The following PDE12 variants were observed in gnomAD, a reference collection of about 807,000 sequenced individuals.
PDE12 encodes 2',5'-phosphodiesterase 12.
Under a neutral mutation model 45.4 loss-of-function variants are expected in PDE12, and 26 were observed. The ratio of observed to expected loss-of-function variants is 0.57; its 90% CI spans 0.42 to 0.79. The LOEUF (loss-of-function observed/expected upper bound fraction) is 0.79, where lower values mean the gene tolerates loss of function less well. Among genes scored for constraint, PDE12 ranks in the 30% least tolerant of loss-of-function variants. The pLI, the probability that PDE12 is intolerant of heterozygous loss-of-function variation, is 0.00. For synonymous variants in PDE12, 283 were observed against 323.9 expected, an observed-to-expected ratio of 0.87 and a Z score of 1.36; for missense variants, 668 against 790.0, an observed-to-expected ratio of 0.85 and a Z score of 1.85.
chr3:57,597,229 C>G, the PDE12 span: 5 of 1,287,262 alleles, frequency 3.9e-6, no homozygotes, highest in African/African-American at 1.5e-5. Flanking sequence ...GCAAACTAAA[C>G]GAGAGGGAAG....
At chr3:57,614,544 G>T in the PDE12 span, among the ~76,000 whole-genome samples, 27,417 of 121,230 alleles carry the variant, frequency 0.23, 3,564 homozygotes, top group East Asian at 0.44. Context: ...TTTGTTTTTT[G>T]TTTTTTTTTT....
chr3:57,589,570 T>G, the PDE12 span, among the ~76,000 whole-genome samples: 2 of 149,040 alleles, frequency 1.3e-5, no homozygotes, highest in Admixed American at 1.3e-4. Context: ...ATACAAAAAT[T>G]AGCTAGGCGT....
intron 2 of PDE12, 74 bp from the exon 3 acceptor site, chr3:57,559,488 T>G: frequency 6.4e-7 from 1 of 1,552,812 alleles, no homozygotes; most frequent in Non-Finnish European, 8.8e-7. Flanking sequence ...GAGACTGTAA[T>G]TTGTGTAGTT....
chr3:57,588,524 A>G, the PDE12 span, among the ~76,000 whole-genome samples: 5 of 151,690 alleles, frequency 3.3e-5, no homozygotes, highest in South Asian at 1.0e-3. Context: ...CCTGGACAAC[A>G]TGGCAAAACC....
the PDE12 span, among the ~76,000 whole-genome samples, chr3:57,590,120 TAAA>T: frequency 8.9e-5 from 13 of 145,846 alleles, no homozygotes; most frequent in African/African-American, 2.5e-4. Context: ...AATAAATAAA[TAAA>T]TAAATAAATA....
Position 57,562,076 on chromosome 3 carries a change from T to C in PDE12, c.*2072T>C. On this transcript the variant is annotated 3_prime_UTR_variant, in exon 3 of 3. Coordinates refer to ENST00000311180, the MANE Select transcript of PDE12 (RefSeq NM_177966.7). Reference sequence around the variant, plus strand: ...GAATTTTTTTTTCATTTTAAAAATATGTTTTTGGGCTGTTTTCAAAGAAAG... The same window carrying C: ...GAATTTTTTTTTCATTTTAAAAATACGTTTTTGGGCTGTTTTCAAAGAAAG... 1.0e-6 allele frequency: 1 copy of C among 982,570 alleles called. No individual in the cohort carries two copies. Among genetic ancestry groups the C allele is most frequent in the African/African-American group, 1.7e-5 (1 of 57,282 alleles). The allele number at this position is 982,570 out of a possible 1,614,324, so 60.9% of individuals were successfully genotyped here.
chr3:57,569,350 A>G (rs1208345956), downstream of PDE12, among the ~76,000 whole-genome samples: 1 of 152,008 alleles, frequency 6.6e-6, no homozygotes, highest in Non-Finnish European at 1.5e-5. Flanking sequence ...AGTTGCTAAT[A>G]CTTTATTATT....
At chr3:57,585,523 A>G in the PDE12 span, among the ~76,000 whole-genome samples, 65 of 152,294 alleles carry the variant, frequency 4.3e-4, no homozygotes, top group East Asian at 0.011. Flanking sequence ...GTAAACAACG[A>G]GTTAATGGGT....
At chr3:57,648,264 C>CTT in the PDE12 span, among the ~76,000 whole-genome samples, 4 of 151,980 alleles carry the variant, frequency 2.6e-5, no homozygotes, top group Non-Finnish European at 5.9e-5. Flanking sequence ...AGCTGCAATA[C>CTT]ATAAAATACT....
the PDE12 span, among the ~76,000 whole-genome samples, chr3:57,598,807 C>A: frequency 1.1e-4 from 17 of 151,940 alleles, no homozygotes; most frequent in Non-Finnish European, 4.4e-5. Flanking sequence ...AACAAAAAAA[C>A]CCCAAAAACT....
At chr3:57,568,223 G>A (rs185496260), downstream of PDE12, among the ~76,000 whole-genome samples, 34 of 152,116 alleles carry the variant, frequency 2.2e-4, no homozygotes, top group Non-Finnish European at 3.2e-4. Context: ...CAGCACTTTG[G>A]GAGGCCTAGG....
the PDE12 span, among the ~76,000 whole-genome samples, chr3:57,595,093 A>AT: frequency 2.0e-5 from 3 of 152,128 alleles, no homozygotes; most frequent in Non-Finnish European, 4.4e-5. Context: ...AAACTTAAAT[A>AT]TTTTTTCTCT....
At chr3:57,632,017 C>T in the PDE12 span, among the ~76,000 whole-genome samples, 12 of 126,284 alleles carry the variant, frequency 9.5e-5, no homozygotes, top group Middle Eastern at 7.1e-3. Context: ...CCACCGCGCC[C>T]GGCCTTTTTT....
At chr3:57,568,540 G>A (rs2069806698), downstream of PDE12, among the ~76,000 whole-genome samples, 1 of 151,102 alleles carries the variant, frequency 6.6e-6, no homozygotes, top group Admixed American at 6.6e-5. Context: ...GTAAACTGAA[G>A]TGTCTGAATG....
the PDE12 span, chr3:57,597,044 G>T: frequency 6.2e-7 from 1 of 1,610,534 alleles, no homozygotes; most frequent in Non-Finnish European, 8.5e-7. Context: ...CCTTTCCCAG[G>T]TCCCGCCTGA....
chr3:57,586,496 A>C, the PDE12 span, among the ~76,000 whole-genome samples: 1 of 152,168 alleles, frequency 6.6e-6, no homozygotes, highest in Non-Finnish European at 1.5e-5. Context: ...TACCCTACCA[A>C]GAATAACTTT....
In PDE12 at chr3:57,561,507, G is replaced by A; in HGVS notation, c.*1503G>A. The A allele has an allele frequency of 3.9e-5, 38 of 984,756 alleles. No homozygotes were observed. Among genetic ancestry groups the A allele is most frequent in the Non-Finnish European group, 4.1e-5 (34 of 829,264 alleles). The allele number at this position is 984,756 out of a possible 1,614,324, so 61.0% of individuals were successfully genotyped here. A position where few individuals can be genotyped will look rare whatever the true frequency, so the allele number is the denominator to read the frequency against. Reference sequence around the variant, plus strand: ...ACTACAAATGGTTATACTGATTAGTGTCTAGCCTAGAGTGGTAACCATGCT... The same window carrying A: ...ACTACAAATGGTTATACTGATTAGTATCTAGCCTAGAGTGGTAACCATGCT... On this transcript the variant is annotated 3_prime_UTR_variant, in exon 3 of 3. Transcript: ENST00000311180.
At chr3:57,645,708 A>G in the PDE12 span, 1 of 1,613,598 alleles carries the variant, frequency 6.2e-7, no homozygotes, top group Admixed American at 1.7e-5. Context: ...TATCATGAAT[A>G]GTGAAATAAG....
At chr3:57,643,650 A>G in the PDE12 span, among the ~76,000 whole-genome samples, 1 of 151,810 alleles carries the variant, frequency 6.6e-6, no homozygotes, top group Non-Finnish European at 1.5e-5. Flanking sequence ...AACATGATGA[A>G]ACCCCATCTC....
Sources: allele counts gnomAD v4.1 joint callset (sites outside exome capture counted in the v4.1 genomes callset), GRCh38; gene constraint gnomAD v4.1.1; transcripts MANE v1.5; gene names NCBI Gene and HGNC (gene_info 2026-07-23, HGNC 2026-07-21).